Variants in NF1 observed in about 807,000 individuals in gnomAD.
The protein encoded by NF1 is neurofibromin.
In NF1, 122 loss-of-function variants were observed where a neutral mutation model predicts 325.7. That is an observed-to-expected ratio of 0.37 (90% CI 0.32 to 0.44). The LOEUF (loss-of-function observed/expected upper bound fraction) is 0.44. NF1 is among the 20% of genes least tolerant of loss of function. The pLI, the probability that NF1 is intolerant of heterozygous loss-of-function variation, is 1.00. For missense variants in NF1, 2,140 were observed against 3,415.4 expected, an observed-to-expected ratio of 0.63 and a Z score of 9.31; for synonymous variants, 1,091 against 1,186.0, an observed-to-expected ratio of 0.92 and a Z score of 1.65.
intron 1 of NF1, among the ~76,000 whole-genome samples, chr17:31,107,227 T>C (rs1912934507): frequency 1.3e-5 from 2 of 151,900 alleles, no homozygotes; most frequent in African/African-American, 4.8e-5. Context: ...GGGTAATGAG[T>C]GCGGAGGGAA....
chr17:31,376,263 A>G lies in NF1; in HGVS notation c.*2108A>G, dbSNP rs1268932827. ...GTTTTTGTTTGTTGGTTTGGTGCAT[A>G]TGATAGTGGGTGTTATGCTATTTTG... On this transcript the variant is annotated 3_prime_UTR_variant, in exon 58 of 58. Coordinates refer to ENST00000358273, the MANE Select transcript of NF1 (RefSeq NM_001042492.3). The G allele has an allele frequency of 1.7e-5, 4 of 232,838 alleles. No individual in the cohort carries two copies. Among genetic ancestry groups the G allele is most frequent in the Non-Finnish European group, 2.5e-5 (3 of 117,862 alleles). 14.4% of individuals were successfully genotyped at this position (232,838 alleles called of 1,614,324 possible).
At position 31,327,839 on chromosome 17, in the gene NF1, G is replaced by A. The variant is rs786202112; in HGVS notation, c.5609G>A (p.Arg1870Gln). The part of the protein sequence containing the change: ...LNLGSSDPSL[R>Q]SAAYNLLCAL... ...TTAGGCAGTTCTGACCCGAGTTTAC[G>A]GTAGGTTTTTTAAAATTCTCTTCAG... Residue 1870 changes from arginine to glutamine, a missense_variant and splice_region_variant, in exon 38 of 58, where the codon CGG (arginine) becomes CAG (glutamine). Arg to Gln is a conservative substitution (Grantham distance 43). Transcript: ENST00000358273. 1.2e-6 allele frequency: 2 copies of A among 1,613,364 alleles called. No homozygotes were observed. Among genetic ancestry groups the A allele is most frequent in the Non-Finnish European group, 1.7e-6 (2 of 1,179,678 alleles).
At position 31,141,427 on chromosome 17, in the gene NF1, G is replaced by A. The variant is rs544313323; in HGVS notation, c.61-14556G>A. Among the ~76,000 whole-genome samples, 13 of 151,650 alleles carry A rather than the reference G, an allele frequency of 8.6e-5. No individual in the cohort carries two copies. In the East Asian group the frequency reaches 1.4e-3, roughly 16 times the overall value. On this transcript the variant is annotated intron_variant, in intron 1 of 57. Coordinates refer to ENST00000358273, the MANE Select transcript of NF1 (RefSeq NM_001042492.3). ...AATATTCTTCCTTTTTTCTTACTAC[G>A]GTGTTGGTAGTGGTGCTCTTTCTTC...
intron 8 of NF1, among the ~76,000 whole-genome samples, chr17:31,185,875 C>G (rs1259007570): frequency 6.6e-6 from 1 of 152,168 alleles, no homozygotes; most frequent in East Asian, 1.9e-4. Flanking sequence ...TGGCAGGCCC[C>G]CATAGGTAAA....
Position 31,233,069 on chromosome 17 carries a change from A to G in NF1, c.3564A>G (p.Gln1188=), listed in dbSNP as rs777859444. The change falls in exon 27 of 58, where the codon CAA becomes CAG. Residue 1188 remains glutamine (Q), a synonymous_variant. Coordinates refer to ENST00000358273, the MANE Select transcript of NF1 (RefSeq NM_001042492.3). Reference sequence around the variant, plus strand: ...TGGAAGTTCTGACAAAAATCCTTCAACAAGGCACAGAATTTGACACACTTG... The same window carrying G: ...TGGAAGTTCTGACAAAAATCCTTCAGCAAGGCACAGAATTTGACACACTTG... ...TFMEVLTKIL[Q]QGTEFDTLAE... The G allele has an allele frequency of 5.6e-6, 9 of 1,614,104 alleles. No individual in the cohort carries two copies. In the East Asian group the frequency reaches 1.3e-4, roughly 24 times the overall value.
At chr17:31,167,975 G>A (rs567828459) in intron 4 of NF1, among the ~76,000 whole-genome samples, 3 of 151,960 alleles carry the variant, frequency 2.0e-5, no homozygotes, top group Middle Eastern at 3.2e-3. Context: ...AGGCTTACTC[G>A]GTTTTCAAAT....
chr17:31,146,401 ATCTG>A (rs896511817), intron 1 of NF1, among the ~76,000 whole-genome samples: 41 of 147,088 alleles, frequency 2.8e-4, no homozygotes, highest in African/African-American at 9.1e-4. Context: ...TAGATATCTA[ATCTG>A]TCTGTCCATC....
At chr17:31,306,392 A>G (rs1357341612) in intron 36 of NF1, among the ~76,000 whole-genome samples, 3 of 152,040 alleles carry the variant, frequency 2.0e-5, no homozygotes, top group African/African-American at 4.8e-5. Flanking sequence ...TCCATATTTT[A>G]TATATATAGA....
chr17:31,326,895 A>C (rs1567611977), intron 37 of NF1, among the ~76,000 whole-genome samples: 1 of 152,060 alleles, frequency 6.6e-6, no homozygotes, highest in Non-Finnish European at 1.5e-5. Context: ...CTTCAGGATA[A>C]AATCAGTACT....
chr17:31,358,916 T>TA (rs2070337479), intron 55 of NF1, 53 bp from the exon 56 acceptor site: 1 of 1,463,262 alleles, frequency 6.8e-7, no homozygotes, highest in Non-Finnish European at 9.6e-7. Flanking sequence ...TAATTTCTGT[T>TA]ACAATTAAAA....
chr17:31,338,748 A>G lies in NF1; in HGVS notation c.6864A>G (p.Gln2288=), dbSNP rs1064794756. The change falls in exon 46 of 58, where the codon CAA becomes CAG. Residue 2288 remains glutamine, a synonymous_variant. Transcript: ENST00000358273. ...AAGGACCTGACACTTACAACAGTCA[A>G]GTTCTGATAGAAGCTACAGTAATAG... ...CLKGPDTYNS[Q]VLIEATVIAL... is the part of the protein sequence containing the mutation. The G allele has an allele frequency of 6.2e-7, 1 of 1,613,446 alleles. No homozygotes were observed. The highest frequency in any genetic ancestry group is 8.5e-7 in the Non-Finnish European group (1 of 1,179,566).
At chr17:31,304,443 A>G in intron 36 of NF1, 1 of 1,614,168 alleles carries the variant, frequency 6.2e-7, no homozygotes, top group Non-Finnish European at 8.5e-7. Context: ...GTATTATCTC[A>G]GATTTATGAT....
rs1462064585 is a variant in NF1, at chr17:31,260,471, C to G, written c.4533C>G (p.Leu1511=). The change falls in exon 34 of 58, where the codon CTC becomes CTG. Residue 1511 remains leucine, a synonymous_variant. Transcript: ENST00000358273. ...ATGTGCTTGCTTTACATCGTCTACTCTGGAACAATCAGGAGAAAATTGGGC... is the reference window on the plus strand; with the variant it reads ...ATGTGCTTGCTTTACATCGTCTACTGTGGAACAATCAGGAGAAAATTGGGC... ...DGNVLALHRL[L]WNNQEKIGQY... 2 of 1,613,868 alleles carry G rather than the reference C, an allele frequency of 1.2e-6. No individual in the cohort carries two copies. Among genetic ancestry groups the G allele is most frequent in the East Asian group, 2.2e-5 (1 of 44,878 alleles).
At chr17:31,371,084 G>A (rs1245260606) in intron 57 of NF1, among the ~76,000 whole-genome samples, 7 of 152,098 alleles carry the variant, frequency 4.6e-5, no homozygotes, top group Non-Finnish European at 5.9e-5. Context: ...GGGATTGCAT[G>A]CTTTGGGGCT....
intron 36 of NF1, among the ~76,000 whole-genome samples, chr17:31,267,375 A>G (rs531181393): frequency 6.6e-6 from 1 of 151,814 alleles, no homozygotes; most frequent in Non-Finnish European, 1.5e-5. Flanking sequence ...TAAATTTGAG[A>G]TTTTCTTTTT....
chr17:31,145,632 A>G (rs1419653587), intron 1 of NF1, among the ~76,000 whole-genome samples: 2 of 152,036 alleles, frequency 1.3e-5, no homozygotes, highest in Non-Finnish European at 2.9e-5. Flanking sequence ...TTTTCATAGA[A>G]TTTGGTGCTG....
chr17:31,110,183 CAG>C (rs1335708812), intron 1 of NF1, among the ~76,000 whole-genome samples: 2 of 152,012 alleles, frequency 1.3e-5, no homozygotes, highest in African/African-American at 4.8e-5. Context: ...TAATAGGTCA[CAG>C]TACAGTCATA....
chr17:31,131,299 C>G (rs2143464696), intron 1 of NF1, among the ~76,000 whole-genome samples: 1 of 152,282 alleles, frequency 6.6e-6, no homozygotes, highest in South Asian at 2.1e-4. Flanking sequence ...GAGGGGTCTC[C>G]TTGTGGTGGA....
At chr17:31,125,038 G>T (rs1341925249) in intron 1 of NF1, among the ~76,000 whole-genome samples, 3 of 150,058 alleles carry the variant, frequency 2.0e-5, no homozygotes, top group Non-Finnish European at 4.4e-5. Context: ...CATTCCCAAT[G>T]CTGTGGAAAC....
Sources: allele counts gnomAD v4.1 joint callset (sites outside exome capture counted in the v4.1 genomes callset), GRCh38; gene constraint gnomAD v4.1.1; transcripts MANE v1.5; gene names NCBI Gene and HGNC (gene_info 2026-07-23, HGNC 2026-07-21).